The following NOS3 variants were observed in gnomAD, a reference collection of about 807,000 sequenced individuals.
NOS3 encodes NOS type III.
Under a neutral mutation model 144.9 loss-of-function variants are expected in NOS3, and 98 were observed. That is an observed-to-expected ratio of 0.68 (90% confidence interval 0.57 to 0.80). NOS3 has a LOEUF of 0.80. Ranked by LOEUF, NOS3 falls within the 30% of genes least tolerant of loss-of-function variation. The pLI, the probability that NOS3 is intolerant of heterozygous loss-of-function variation, is 0.00. For synonymous variants in NOS3, 714 were observed against 702.4 expected, an observed-to-expected ratio of 1.02 and a Z score of -0.26; for missense variants, 1,465 against 1,656.4, an observed-to-expected ratio of 0.88 and a Z score of 2.01.
At position 151,010,601 on chromosome 7, in the gene NOS3, C is replaced by T; in HGVS notation, c.2690C>T (p.Pro897Leu). The part of the protein sequence containing the change: ...QQELEALSQD[P>L]RRYEEWKWFR... ...CACTGCATCCTGCCCCGCCAGGATCCCCGACGCTACGAGGAGTGGAAGTGG... is the reference window on the plus strand; with the variant it reads ...CACTGCATCCTGCCCCGCCAGGATCTCCGACGCTACGAGGAGTGGAAGTGG... The change falls in exon 22 of 27, where the codon CCC becomes CTC. Residue 897 changes from proline to leucine, a missense_variant. By Grantham distance (98) the Pro-to-Leu change is moderately conservative. Around this residue, in one of 5 missense-constraint regions of NOS3, gnomAD observed 745 missense variants for 853.9 expected, o/e 0.87. Transcript: ENST00000297494. The T allele has an allele frequency of 6.3e-7, 1 of 1,586,888 alleles. No homozygotes were observed.
Position 151,000,630 on chromosome 7 carries a change from A to G in NOS3, c.1233+31A>G, listed in dbSNP as rs774862300. 10 of 1,473,264 alleles carry G rather than the reference A, an allele frequency of 6.8e-6. No homozygotes were observed. The South Asian group carries it at 1.1e-4, about 17-fold the overall frequency. The allele number at this position is 1,473,264 out of a possible 1,614,324, so 91.3% of individuals were successfully genotyped here. A position where few individuals can be genotyped will look rare whatever the true frequency, so the allele number is the denominator to read the frequency against. ...GAGGCCCAGACTGGCCAGGAAGGCA[A>G]AGGGTTTGCATACGGGGGCAGCAGG... is the stretch of plus-strand genomic sequence containing the variant. On this transcript the variant is annotated intron_variant, in intron 10 of 26. Transcript: ENST00000297494.
In NOS3 at chr7:151,010,399, C is replaced by T. The variant is rs1795279408; in HGVS notation, c.2685+112C>T. On this transcript the variant is annotated intron_variant, in intron 21 of 26. Transcript: ENST00000297494. ...TCCCCCCTGGACTTTCTTCTCCTGGCCGACATGCACTGGTGCTTTAAGACC... is the reference window on the plus strand; with the variant it reads ...TCCCCCCTGGACTTTCTTCTCCTGGTCGACATGCACTGGTGCTTTAAGACC... The T allele has an allele frequency of 6.1e-6, 7 of 1,151,150 alleles. No individual in the cohort carries two copies. In the South Asian group the frequency reaches 9.3e-5, roughly 15 times the overall value. 71.3% of individuals were successfully genotyped at this position (1,151,150 alleles called of 1,614,324 possible). A position where few individuals can be genotyped will look rare whatever the true frequency, so the allele number is the denominator to read the frequency against.
Position 151,010,988 on chromosome 7 carries a change from T to G in NOS3, c.2984+2T>G, listed in dbSNP as rs1264912143. On this transcript the variant is annotated splice_donor_variant, in intron 23 of 26. Coordinates refer to ENST00000297494, the MANE Select transcript of NOS3 (RefSeq NM_000603.5). LOFTEE classifies it high-confidence loss of function. Reference sequence around the variant, plus strand: ...CCCTGTGCCCTGCTTCATCCGGGGGTAAGTGAGATGGAAGACTTGGTGGGG... The same window carrying G: ...CCCTGTGCCCTGCTTCATCCGGGGGGAAGTGAGATGGAAGACTTGGTGGGG... 1 of 1,611,028 alleles carries G rather than the reference T, an allele frequency of 6.2e-7. No homozygotes were observed. Among genetic ancestry groups the G allele is most frequent in the African/African-American group, 1.3e-5 (1 of 74,780 alleles).
chr7:151,009,086 C>A (rs1001492945), intron 18 of NOS3, 24 bp downstream of exon 18: 1 of 1,612,912 alleles, frequency 6.2e-7, no homozygotes, highest in Non-Finnish European at 8.5e-7. Context: ...TCACCCTAAC[C>A]CGGCTGGTTC....
At chr7:151,013,588 T>C in intron 25 of NOS3, 136 bp from the exon 26 acceptor site, 1 of 876,552 alleles carries the variant, frequency 1.1e-6, no homozygotes, top group Non-Finnish European at 1.6e-6. Context: ...TCTGCCCCTG[T>C]TGACACCGCC....
intron 21 of NOS3, 48 bp from the exon 22 acceptor site, chr7:151,010,549 C>T (rs1466009276): frequency 2.7e-6 from 4 of 1,484,938 alleles, no homozygotes; most frequent in African/African-American, 1.4e-5. Flanking sequence ...AGGGAGGTTA[C>T]TAGGAAGGGC....
chr7:151,005,830 C>A (rs1033489937), intron 14 of NOS3, among the ~76,000 whole-genome samples: 3 of 152,158 alleles, frequency 2.0e-5, no homozygotes, highest in African/African-American at 7.2e-5. Context: ...GAGTTCAAGG[C>A]CAGACTGAAC....
In NOS3 at chr7:151,010,128, C is replaced by CGGCTG; in HGVS notation, c.2529_2533dup (p.Val845AlafsTer115). On this transcript the variant is annotated frameshift_variant, in exon 21 of 27. Coordinates refer to ENST00000297494, the MANE Select transcript of NOS3 (RefSeq NM_000603.5). LOFTEE classifies it high-confidence loss of function. ...CACTATCCCCAGGTGGCCCTCCCCC[C>CGGCTG]GGCTGGGTGCGGGACCCCCGGCTGC... The CGGCTG allele has an allele frequency of 6.2e-7, 1 of 1,602,378 alleles. No individual in the cohort carries two copies. The highest frequency in any genetic ancestry group is 8.5e-7 in the Non-Finnish European group (1 of 1,173,316).
At chr7:151,001,499 T>C (rs1319443424) in intron 11 of NOS3, 45 bp from the exon 12 acceptor site, 1 of 1,610,318 alleles carries the variant, frequency 6.2e-7, no homozygotes. Flanking sequence ...CCTCTAACCT[T>C]TCCTTTTCTT....
At position 150,995,234 on chromosome 7, in the gene NOS3, G is replaced by A; in HGVS notation, c.190G>A (p.Glu64Lys). Residue 64 changes from glutamate to lysine, a missense_variant, in exon 3 of 27, where the codon GAG becomes AAG. This residue lies in a region of NOS3 where 374 missense variants were observed against 377.0 expected (regional missense o/e 0.99). Transcript: ENST00000297494. ...PPSSPLTQPP[E>K]GPKFPRVKNW... ...GAGCTCCCCGCTAACCCAGCCCCCA[G>A]AGGGGCCCAAGTTCCCTCGTGTGAA... The A allele has an allele frequency of 6.2e-7, 1 of 1,611,082 alleles. No individual in the cohort carries two copies.
Position 151,002,383 on chromosome 7 carries a change from A to AACACAC in NOS3, c.1752+144_1752+149dup, listed in dbSNP as rs3138808. On this transcript the variant is annotated intron_variant, in intron 14 of 26. Transcript: ENST00000297494. This position sits in a 1 kb window ranked among gnomAD's most constrained non-coding sequence, Gnocchi z 4.1. ...AGTGACTGGGCAGGAACCTCTGCCC[A>AACACAC]ACACACACACACACACACACACACA... 6.2e-3 allele frequency: 1,674 copies of AACACAC among 271,030 alleles called. 164 individuals carry two copies. The highest frequency in any genetic ancestry group is 0.011 in the African/African-American group (277 of 24,500). 16.8% of individuals were successfully genotyped at this position (271,030 alleles called of 1,614,324 possible).
intron 17 of NOS3, among the ~76,000 whole-genome samples, chr7:151,007,734 C>T (rs1355420485): frequency 1.3e-5 from 2 of 152,244 alleles, no homozygotes. Context: ...GGTGCCTGCA[C>T]CGCAGAACTG....
chr7:151,011,301 C>T (rs534204368), intron 23 of NOS3, among the ~76,000 whole-genome samples: 1 of 152,032 alleles, frequency 6.6e-6, no homozygotes, highest in Admixed American at 6.5e-5. Flanking sequence ...CAGCATGGCA[C>T]CTGGGAACTA....
In NOS3 at chr7:151,000,712, A is replaced by G. The variant is rs549301194; in HGVS notation, c.1233+113A>G. The stretch of plus-strand genomic sequence containing the variant: ...AAACTAGGGCAGGATTTGGACAGGC[A>G]GAAGAAGTTCCGTAGTCCCAGTGCC... On this transcript the variant is annotated intron_variant, in intron 10 of 26. Coordinates refer to ENST00000297494, the MANE Select transcript of NOS3 (RefSeq NM_000603.5). 98 of 716,460 alleles carry G rather than the reference A, an allele frequency of 1.4e-4. No homozygotes were observed. In the East Asian group the frequency reaches 2.6e-3, roughly 19 times the overall value. The allele number at this position is 716,460 out of a possible 1,614,324, so 44.4% of individuals were successfully genotyped here. A position where few individuals can be genotyped will look rare whatever the true frequency, so the allele number is the denominator to read the frequency against.
rs1795209671 is a variant in NOS3, at chr7:151,006,585, C to T, written c.1820+91C>T. Reference sequence around the variant, plus strand: ...GGGTCTGAAAAGCTCTCCCTCTGTGCCTCAAGTCGTTTTCCCACCAAAAGC... The same window carrying T: ...GGGTCTGAAAAGCTCTCCCTCTGTGTCTCAAGTCGTTTTCCCACCAAAAGC... On this transcript the variant is annotated intron_variant, in intron 15 of 26. Transcript: ENST00000297494. 7.8e-6 allele frequency: 9 copies of T among 1,150,038 alleles called. No individual in the cohort carries two copies. The East Asian group carries it at 2.1e-4, about 27-fold the overall frequency. 71.2% of individuals were successfully genotyped at this position (1,150,038 alleles called of 1,614,324 possible).
At position 150,995,216 on chromosome 7, in the gene NOS3, C is replaced by G; in HGVS notation, c.172C>G (p.Pro58Ala). ...GGCTCCCAACAGCCCCCCGAGCTCC[C>G]CGCTAACCCAGCCCCCAGAGGGGCC... ...PAPEHSPPSS[P>A]LTQPPEGPKF... Residue 58 changes from proline (P) to alanine (A), a missense_variant, in exon 3 of 27, where the codon CCG becomes GCG. Pro to Ala is a conservative substitution (Grantham distance 27). Transcript: ENST00000297494. The G allele has an allele frequency of 1.2e-6, 2 of 1,608,494 alleles. No individual in the cohort carries two copies. Among genetic ancestry groups the G allele is most frequent in the Non-Finnish European group, 1.7e-6 (2 of 1,176,550 alleles).
rs767419274 is a variant in NOS3 at position 150,998,643 on chromosome 7, C to G, written c.779C>G (p.Ser260Cys). ...RYAGYRQQDG[S>C]VRGDPANVEI... is the part of the protein sequence containing the mutation. ...GCGGGCTACCGGCAGCAGGATGGCT[C>G]TGTGCGGGGGGACCCAGCCAACGTG... The change falls in exon 7 of 27, where the codon TCT becomes TGT. Residue 260 changes from serine to cysteine, a missense_variant. Around this residue, in one of 5 missense-constraint regions of NOS3, gnomAD observed 374 missense variants for 377.0 expected, o/e 0.99. Coordinates refer to ENST00000297494, the MANE Select transcript of NOS3 (RefSeq NM_000603.5). The surrounding 1 kb of genome is among the most constrained non-coding windows in gnomAD (Gnocchi z 5.0). The G allele has an allele frequency of 6.2e-7, 1 of 1,608,398 alleles. No homozygotes were observed. The highest frequency in any genetic ancestry group is 8.5e-7 in the Non-Finnish European group (1 of 1,178,702).
rs891520877 is a variant in NOS3 at position 151,009,032 on chromosome 7, G to T, written c.2215G>T (p.Ala739Ser). Residue 739 changes from alanine (A) to serine (S), a missense_variant, in exon 18 of 27, where the codon GCC becomes TCC. Physicochemically the swap from Ala to Ser is moderately conservative, Grantham distance 99. Transcript: ENST00000297494. ...SWKRQRYRLS[A>S]QAEGLQLLPG... ...GAAGCGCCAGAGGTACCGGCTGAGC[G>T]CCCAGGCCGAGGGCCTGCAGTTGCT... 6.2e-7 allele frequency: 1 copy of T among 1,612,422 alleles called. No individual in the cohort carries two copies. The highest frequency in any genetic ancestry group is 8.5e-7 in the Non-Finnish European group (1 of 1,179,530).
intron 20 of NOS3, 64 bp from the exon 21 acceptor site, chr7:151,010,051 A>G: frequency 9.7e-7 from 1 of 1,031,042 alleles, no homozygotes; most frequent in Non-Finnish European, 1.5e-6. Context: ...AAACACAAAC[A>G]TCAGCCCAGG....
Sources: allele counts gnomAD v4.1 joint callset (sites outside exome capture counted in the v4.1 genomes callset), GRCh38; gene constraint gnomAD v4.1.1; regional missense constraint gnomAD v4.1.1; non-coding constraint Gnocchi (gnomAD v3.1); transcripts MANE v1.5; gene names NCBI Gene and HGNC (gene_info 2026-07-23, HGNC 2026-07-21).